The following CNBD1 variants were observed in gnomAD, a reference collection of about 807,000 sequenced individuals.
The protein encoded by CNBD1 is cyclic nucleotide binding domain containing 1, also known as cyclic nucleotide-binding domain-containing protein 1.
In CNBD1, 71 loss-of-function variants were observed where a neutral mutation model predicts 54.4. That is an observed-to-expected ratio of 1.30 (90% CI 1.08 to 1.59). The LOEUF (loss-of-function observed/expected upper bound fraction) is 1.59, where lower values mean the gene tolerates loss of function less well. Ranked by LOEUF, CNBD1 falls within the 40% of genes most tolerant of loss-of-function variation. CNBD1 has a pLI of 0.00. For synonymous variants in CNBD1, 182 were observed against 170.7 expected, an observed-to-expected ratio of 1.07 and a Z score of -0.51; for missense variants, 659 against 518.0, an observed-to-expected ratio of 1.27 and a Z score of -2.64.
chr8:86,994,117 C>T (rs2130533174), intron 4 of CNBD1, among the ~76,000 whole-genome samples: 1 of 152,340 alleles, frequency 6.6e-6, no homozygotes, highest in South Asian at 2.1e-4. Context: ...AGGCTCCTCC[C>T]CAACTCTGGT....
intron 4 of CNBD1, among the ~76,000 whole-genome samples, chr8:87,009,711 T>C (rs1809175509): frequency 6.6e-6 from 1 of 152,204 alleles, no homozygotes; most frequent in Non-Finnish European, 1.5e-5. Context: ...TATGACTTAA[T>C]ATGAGGTCAG....
rs986390636 is a variant in CNBD1, at chr8:87,302,664, G to C, written c.1042+15993G>C. 1.5e-4 allele frequency among the ~76,000 whole-genome samples: 23 copies of C among 151,698 alleles called. 1 individual carries two copies. The highest frequency in any genetic ancestry group is 2.0e-4 in the Admixed American group (3 of 15,228). The stretch of plus-strand genomic sequence containing the variant: ...AATCAGGCAGGAGAAGGAAATAAAG[G>C]GTATTCAATTAGGAAAAGAGGAAGT... On this transcript the variant is annotated intron_variant, in intron 8 of 10. Coordinates refer to ENST00000518476, the MANE Select transcript of CNBD1 (RefSeq NM_173538.3).
At chr8:87,361,125 A>G (rs1344137619) in intron 10 of CNBD1, among the ~76,000 whole-genome samples, 2 of 151,982 alleles carry the variant, frequency 1.3e-5, no homozygotes, top group Admixed American at 1.3e-4. Context: ...ATTGTGATTT[A>G]AAATTTTGAT....
intron 4 of CNBD1, among the ~76,000 whole-genome samples, chr8:87,040,805 T>C (rs1404989053): frequency 6.6e-6 from 1 of 151,220 alleles, no homozygotes; most frequent in Non-Finnish European, 1.5e-5. Context: ...TTTAATTTAT[T>C]TTTAATATTT....
chr8:87,278,275 C>T (rs1808524660), intron 6 of CNBD1, among the ~76,000 whole-genome samples: 1 of 151,504 alleles, frequency 6.6e-6, no homozygotes, highest in African/African-American at 2.4e-5. Flanking sequence ...TTTAGTCCTG[C>T]CTGAAGCAGT....
intron 5 of CNBD1, among the ~76,000 whole-genome samples, chr8:87,230,796 C>G (rs1027822677): frequency 6.6e-6 from 1 of 152,062 alleles, no homozygotes; most frequent in Non-Finnish European, 1.5e-5. Flanking sequence ...TAAGAGGTTG[C>G]TTCTTAAGGA....
chr8:87,007,052 C>G (rs995363355), intron 4 of CNBD1, among the ~76,000 whole-genome samples: 16 of 152,050 alleles, frequency 1.1e-4, no homozygotes, highest in Non-Finnish European at 2.9e-5. Flanking sequence ...CAAAAATTAG[C>G]CAGGCGTGGT....
At chr8:87,338,649 A>G (rs560446038) in intron 8 of CNBD1, among the ~76,000 whole-genome samples, 10 of 147,498 alleles carry the variant, frequency 6.8e-5, no homozygotes, top group Non-Finnish European at 1.5e-4. Context: ...AAAAGTATAT[A>G]GTTAGATATG....
chr8:87,315,149 A>G (rs1276655934), intron 8 of CNBD1, among the ~76,000 whole-genome samples: 2 of 152,110 alleles, frequency 1.3e-5, no homozygotes, highest in Non-Finnish European at 2.9e-5. Flanking sequence ...AGAATTTGGC[A>G]TACAATAAAA....
intron 6 of CNBD1, among the ~76,000 whole-genome samples, chr8:87,266,243 A>T (rs577534510): frequency 6.6e-6 from 1 of 151,812 alleles, no homozygotes; most frequent in East Asian, 1.9e-4. Context: ...TAAAAACTAT[A>T]CCAAAGAGCA....
chr8:87,387,696 A>G (rs560502314), downstream of CNBD1, among the ~76,000 whole-genome samples: 17 of 152,302 alleles, frequency 1.1e-4, no homozygotes, highest in African/African-American at 3.8e-4. Context: ...AGACAGATCA[A>G]TGAGACAGAA....
chr8:87,358,238 A>G (rs1222365252), intron 10 of CNBD1, among the ~76,000 whole-genome samples: 2 of 152,202 alleles, frequency 1.3e-5, no homozygotes, highest in African/African-American at 4.8e-5. Flanking sequence ...TGTTACCAAT[A>G]CTTGCATAAC....
At chr8:87,054,854 G>A (rs913108133) in intron 4 of CNBD1, among the ~76,000 whole-genome samples, 6 of 152,206 alleles carry the variant, frequency 3.9e-5, no homozygotes, top group Non-Finnish European at 7.3e-5. Context: ...AACCAAGGGT[G>A]AGCAGGGTTG....
intron 10 of CNBD1, among the ~76,000 whole-genome samples, chr8:87,378,768 G>A (rs914584823): frequency 6.6e-6 from 1 of 151,104 alleles, no homozygotes; most frequent in African/African-American, 2.5e-5. Flanking sequence ...TCATGATATT[G>A]ATTCTTCCTA....
intron 4 of CNBD1, among the ~76,000 whole-genome samples, chr8:87,177,930 T>C (rs1813232222): frequency 6.6e-6 from 1 of 152,154 alleles, no homozygotes; most frequent in African/African-American, 2.4e-5. Flanking sequence ...TGGGTAGTTG[T>C]GGAAAGGTAC....
At chr8:87,068,468 G>T (rs1810698612) in intron 4 of CNBD1, among the ~76,000 whole-genome samples, 1 of 151,826 alleles carries the variant, frequency 6.6e-6, no homozygotes, top group Non-Finnish European at 1.5e-5. Flanking sequence ...CAATACCAAG[G>T]CTCCAGGTGA....
intron 10 of CNBD1, among the ~76,000 whole-genome samples, chr8:87,365,002 A>G (rs1810613173): frequency 6.6e-6 from 1 of 152,040 alleles, no homozygotes; most frequent in Non-Finnish European, 1.5e-5. Flanking sequence ...TTTTTGGTAT[A>G]TACCCAGTGG....
At chr8:87,343,451 T>C (rs1810108813) in intron 8 of CNBD1, among the ~76,000 whole-genome samples, 2 of 152,216 alleles carry the variant, frequency 1.3e-5, no homozygotes, top group South Asian at 2.1e-4. Context: ...GTCCATGAAA[T>C]CTTCACAACT....
intron 4 of CNBD1, among the ~76,000 whole-genome samples, chr8:87,027,931 G>T (rs959674500): frequency 3.3e-5 from 5 of 152,146 alleles, no homozygotes; most frequent in African/African-American, 7.2e-5. Context: ...CTCTCTCTCA[G>T]TTGGGCCTGA....
Sources: gnomAD v4.1 joint callset for allele counts (sites outside exome capture counted in the v4.1 genomes callset) on GRCh38, gnomAD v4.1.1 for gene constraint, MANE v1.5 for transcripts, NCBI Gene and HGNC (gene_info 2026-07-23, HGNC 2026-07-21) for gene names.